Variants in SOD2 observed in about 807,000 individuals in gnomAD.
The protein encoded by SOD2 is superoxide dismutase [Mn], mitochondrial.
SOD2 carries 11 observed loss-of-function variants against 27.0 expected under a neutral mutation model. The observed-to-expected ratio is 0.41, with a 90% CI of 0.26 to 0.67. SOD2 has a LOEUF of 0.67. SOD2 is among the 30% of genes least tolerant of loss of function. The probability of loss-of-function intolerance (pLI) is 0.34; values close to 1 mark genes in which losing one functional copy is unlikely to be tolerated. For missense variants in SOD2, 250 were observed against 274.5 expected, an observed-to-expected ratio of 0.91 and a Z score of 0.63; for synonymous variants, 105 against 103.0, an observed-to-expected ratio of 1.02 and a Z score of -0.12.
intron 1 of SOD2, among the ~76,000 whole-genome samples, chr6:159,701,948 C>T (rs1278656322): frequency 1.3e-5 from 2 of 152,206 alleles, no homozygotes; most frequent in Non-Finnish European, 2.9e-5. Context: ...GTGCTATACA[C>T]AGCTGCTTTT....
In SOD2 at chr6:159,723,029, C is replaced by T. The variant is rs555302091; in HGVS notation, c.-116+4100G>A. 3.3e-5 allele frequency among the ~76,000 whole-genome samples: 5 copies of T among 152,288 alleles called. No homozygotes were observed. In the South Asian group the frequency reaches 8.3e-4, roughly 25 times the overall value. Reference sequence around the variant, plus strand: ...AACTTGTAGTTAGCTTCCAGCTTCCCCATGCCAACAGCTTCCAATCAGGCA... The same window carrying T: ...AACTTGTAGTTAGCTTCCAGCTTCCTCATGCCAACAGCTTCCAATCAGGCA... On this transcript the variant is annotated intron_variant, in intron 1 of 2. Coordinates refer to the SOD2 transcript ENST00000401980.
intron 1 of SOD2, among the ~76,000 whole-genome samples, chr6:159,705,338 G>A (rs1777603145): frequency 1.3e-5 from 2 of 152,170 alleles, no homozygotes; most frequent in African/African-American, 4.8e-5. Context: ...AAAGAAGGAA[G>A]TCTGAACCCA....
chr6:159,762,130 C>A (rs147917111), exon 1 of SOD2: 68 of 1,612,276 alleles, frequency 4.2e-5, no homozygotes, highest in Non-Finnish European at 5.4e-5. Flanking sequence ...CTCGGCGGCG[C>A]GGACCATCAT....
Position 159,688,137 on chromosome 6 carries a change from C to T in SOD2, c.332G>A (p.Gly111Glu). The change falls in exon 3 of 5, where the codon GGA (glycine) becomes GAA (glutamate). Residue 111 changes from glycine (G) to glutamate (E), a missense_variant. Coordinates refer to ENST00000538183, the MANE Select transcript of SOD2 (RefSeq NM_000636.4). ...FWTNLSPNGGGEPKGELLEAI... is the reference protein window; with the variant it reads ...FWTNLSPNGGEEPKGELLEAI... ...CAATATATACCAACCTTTGGGTTCTCCACCACCGTTAGGGCTGAGGTTTGT... is the reference window on the plus strand; with the variant it reads ...CAATATATACCAACCTTTGGGTTCTTCACCACCGTTAGGGCTGAGGTTTGT... 1 of 1,602,358 alleles carries T rather than the reference C, an allele frequency of 6.2e-7. No individual in the cohort carries two copies. Among genetic ancestry groups the T allele is most frequent in the Non-Finnish European group, 8.6e-7 (1 of 1,169,250 alleles).
At position 159,676,621 on chromosome 6, in the gene SOD2, T is replaced by C. The variant is rs1562411158; in HGVS notation, c.*5872A>G. 1.3e-5 allele frequency: 2 copies of C among 151,920 alleles called. No individual in the cohort carries two copies. The highest frequency in any genetic ancestry group is 2.4e-5 in the African/African-American group (1 of 41,328). 9.4% of individuals were successfully genotyped at this position (151,920 alleles called of 1,614,324 possible). A position where few individuals can be genotyped will look rare whatever the true frequency, so the allele number is the denominator to read the frequency against. ...GAGGGGTGGGGAGAAGGGGGAGGGA[T>C]AGCATTAGGAGATATACCTAATGTA... On this transcript the variant is annotated 3_prime_UTR_variant, in exon 5 of 5. Transcript: ENST00000538183.
chr6:159,744,919 A>ATCC (rs1779483870), intron 1 of SOD2, among the ~76,000 whole-genome samples: 2 of 152,130 alleles, frequency 1.3e-5, no homozygotes, highest in African/African-American at 2.4e-5. Context: ...TACTTTGGCA[A>ATCC]TCCTTACTCC....
upstream of SOD2, among the ~76,000 whole-genome samples, chr6:159,730,315 C>A (rs540173328): frequency 6.6e-6 from 1 of 152,268 alleles, no homozygotes; most frequent in Admixed American, 6.5e-5. Context: ...TTAATTGACT[C>A]CAAATGATGT....
chr6:159,692,532 T>G, intron 2 of SOD2, 129 bp downstream of exon 2: 1 of 1,492,554 alleles, frequency 6.7e-7, no homozygotes, highest in Non-Finnish European at 8.9e-7. Flanking sequence ...CTATCGTGCC[T>G]GGAAAACTCG....
chr6:159,676,825 A>G lies in SOD2; in HGVS notation c.*5668T>C, dbSNP rs957916336. ...TTCACAGCAAAGGAGCAGGACTAAA[A>G]CCAGGCATCTTGACCAATATCCCAC... On this transcript the variant is annotated 3_prime_UTR_variant, in exon 5 of 5. Transcript: ENST00000538183. The G allele has an allele frequency of 1.3e-5, 2 of 152,164 alleles. No individual in the cohort carries two copies. The highest frequency in any genetic ancestry group is 2.9e-5 in the Non-Finnish European group (2 of 68,026). 9.4% of individuals were successfully genotyped at this position (152,164 alleles called of 1,614,324 possible).
intron 1 of SOD2, chr6:159,713,641 G>C (rs933867075): frequency 6.8e-5 from 70 of 1,028,912 alleles, no homozygotes; most frequent in Non-Finnish European, 9.8e-5. Context: ...CAGCCAAATG[G>C]AAGTCCTCTA....
exon 1 of SOD2, chr6:159,761,941 G>C: frequency 3.1e-6 from 3 of 953,774 alleles, no homozygotes; most frequent in Non-Finnish European, 4.8e-6. Context: ...GCGCACAGTG[G>C]GATGCGCGGG....
At chr6:159,746,653 C>T (rs1291872210), upstream of SOD2, among the ~76,000 whole-genome samples, 2 of 152,188 alleles carry the variant, frequency 1.3e-5, no homozygotes, top group Admixed American at 1.3e-4. Context: ...TAACTATATA[C>T]TGTATTCTTA....
At chr6:159,727,436 G>T, upstream of SOD2, 1 of 1,162,770 alleles carries the variant, frequency 8.6e-7, no homozygotes, top group South Asian at 1.6e-5. Context: ...CGTTCGGACC[G>T]GCTGTGGGGC....
rs771973633 is a variant in SOD2, at chr6:159,762,092, A to G, written c.-1391T>C. 1.9e-5 allele frequency: 30 copies of G among 1,613,158 alleles called. No individual in the cohort carries two copies. In the Admixed American group the frequency reaches 5.0e-4, roughly 27 times the overall value. ...GACGGCGGCAGGAGAAGCAAGATGA[A>G]TGCAGGCTCAGATCCTGTGGTCATC... On this transcript the variant is annotated 5_prime_UTR_variant, in exon 1 of 8. Coordinates refer to the SOD2 transcript ENST00000546087.
exon 1 of SOD2, chr6:159,727,314 G>T (rs752266697): frequency 7.8e-7 from 1 of 1,281,216 alleles, no homozygotes; most frequent in South Asian, 1.2e-5. Flanking sequence ...CTGCGGCCAC[G>T]CCTGAAAGGC....
chr6:159,742,413 C>G (rs995814563), intron 1 of SOD2, among the ~76,000 whole-genome samples: 5 of 152,102 alleles, frequency 3.3e-5, no homozygotes, highest in Admixed American at 3.3e-4. Context: ...TGCAGTAACT[C>G]AGAACTACTT....
chr6:159,758,294 C>T (rs1217204516), intron 1 of SOD2, among the ~76,000 whole-genome samples: 3 of 151,388 alleles, frequency 2.0e-5, no homozygotes, highest in South Asian at 4.2e-4. Context: ...GCTTTACACG[C>T]GCATTCCTCA....
At position 159,743,383 on chromosome 6, in the gene SOD2, C is replaced by T. The variant is rs917571823; in HGVS notation, c.-116+1747G>A. 2.6e-5 allele frequency among the ~76,000 whole-genome samples: 4 copies of T among 152,212 alleles called. No homozygotes were observed. In the South Asian group the frequency reaches 8.3e-4, roughly 32 times the overall value. On this transcript the variant is annotated intron_variant, in intron 1 of 3. Transcript: ENST00000537657. Reference sequence around the variant, plus strand: ...ATTAAATAGGTTAAAACATACTAATCAGGATTTTGTGAATACTGTATAACA... The same window carrying T: ...ATTAAATAGGTTAAAACATACTAATTAGGATTTTGTGAATACTGTATAACA...
chr6:159,748,604 C>T (rs1779705945), upstream of SOD2: 14 of 1,328,492 alleles, frequency 1.1e-5, no homozygotes, highest in Non-Finnish European at 1.2e-5. This position sits in a 1 kb window ranked among gnomAD's most constrained non-coding sequence, Gnocchi z 5.6. Flanking sequence ...CTGATGGCGT[C>T]GGACTATTCC....
Sources: gnomAD v4.1 joint callset for allele counts (sites outside exome capture counted in the v4.1 genomes callset) on GRCh38, gnomAD v4.1.1 for gene constraint, Gnocchi (gnomAD v3.1) non-coding constraint, MANE v1.5 for transcripts, NCBI Gene and HGNC (gene_info 2026-07-23, HGNC 2026-07-21) for gene names.